The following HIP1R variants were observed in gnomAD, a reference collection of about 807,000 sequenced individuals.
HIP1R encodes the protein huntingtin interacting protein 1 related.
A neutral mutation model predicts 144.2 loss-of-function variants in HIP1R; 135 were observed. The observed-to-expected ratio is 0.94, with a 90% confidence interval of 0.81 to 1.08. The LOEUF (loss-of-function observed/expected upper bound fraction) is 1.08, where lower values mean the gene tolerates loss of function less well. Among genes scored for constraint, HIP1R ranks in the 50% least tolerant of loss-of-function variants. The probability of loss-of-function intolerance (pLI) is 0.00; values close to 1 mark genes in which losing one functional copy is unlikely to be tolerated. For synonymous variants in HIP1R, 698 were observed against 612.8 expected (o/e 1.14, Z -2.05); for missense variants, 1,462 against 1,432.8 (o/e 1.02, Z -0.33).
intron 1 of HIP1R, among the ~76,000 whole-genome samples, chr12:122,838,369 G>T (rs951844531): frequency 2.0e-4 from 30 of 151,836 alleles, no homozygotes; most frequent in Non-Finnish European, 3.7e-4. Flanking sequence ...AACTTTTATT[G>T]TCTTGTTGCT....
chr12:122,861,959 T>C lies in HIP1R; in HGVS notation c.*206T>C, dbSNP rs1054258348. 3 of 542,876 alleles carry C rather than the reference T, an allele frequency of 5.5e-6. No homozygotes were observed. The highest frequency in any genetic ancestry group is 6.9e-5 in the Admixed American group (2 of 28,906). 33.6% of individuals were successfully genotyped at this position (542,876 alleles called of 1,614,324 possible). On this transcript the variant is annotated 3_prime_UTR_variant, in exon 32 of 32. Transcript: ENST00000253083. ...GTGCTTCTGGATGTGAGTCTCTTAT[T>C]TATCTGCAGAAGGAACTTTGGGGTG...
In HIP1R at chr12:122,848,065, AG is replaced by A. The variant is rs1305859460; in HGVS notation, c.130del (p.Ala44ProfsTer3). The A allele has an allele frequency of 3.7e-6, 6 of 1,613,594 alleles. No individual in the cohort carries two copies. Among genetic ancestry groups the A allele is most frequent in the Non-Finnish European group, 4.2e-6 (5 of 1,179,960 alleles). ...ATCAGCAAAGCCATCAACACCCAGG[AG>A]GCCCCCGTGAAGGAGAAGCACGCCC... The part of the protein sequence containing the change: ...ISISKAINTQ[E>X]APVKEKHARR... On this transcript the variant is annotated frameshift_variant, in exon 2 of 32. Transcript: ENST00000253083. LOFTEE classifies it high-confidence loss of function.
In HIP1R at chr12:122,857,051, AC is replaced by A. The variant is rs751632854; in HGVS notation, c.1652del (p.Thr551SerfsTer2). 1 of 1,550,736 alleles carries A rather than the reference AC, an allele frequency of 6.4e-7. No individual in the cohort carries two copies. The highest frequency in any genetic ancestry group is 1.2e-5 in the South Asian group (1 of 84,078). The part of the protein sequence containing the change: ...SKSELSSRLD[T>X]LSAEKDALSG... ...GTCGGAGCTGAGCTCACGGCTGGAC[AC>A]GCTGAGTGCGGAGAAGGATGCTCTG... On this transcript the variant is annotated frameshift_variant, in exon 18 of 32. Transcript: ENST00000253083. LOFTEE classifies it high-confidence loss of function.
intron 26 of HIP1R, 72 bp downstream of exon 26, chr12:122,860,282 A>C: frequency 6.5e-7 from 1 of 1,529,484 alleles, no homozygotes; most frequent in Non-Finnish European, 8.9e-7. Context: ...CCTGGGCATG[A>C]GACCCTCCAC....
upstream of HIP1R, chr12:122,835,029 GA>G (rs753597667): frequency 6.8e-5 from 88 of 1,286,244 alleles, 1 homozygote; most frequent in South Asian, 1.1e-3. Flanking sequence ...GAGGGGTGGG[GA>G]GAGGGAATTG....
intron 20 of HIP1R, among the ~76,000 whole-genome samples, 160 bp downstream of exon 20, chr12:122,858,595 C>T (rs2033669138): frequency 6.6e-6 from 1 of 152,252 alleles, no homozygotes; most frequent in Non-Finnish European, 1.5e-5. Context: ...CACCCCTGCC[C>T]TGTGGACAAA....
chr12:122,841,396 A>G (rs987560266), intron 1 of HIP1R, among the ~76,000 whole-genome samples: 2 of 152,126 alleles, frequency 1.3e-5, no homozygotes, highest in African/African-American at 2.4e-5. Context: ...TCCCTGAGCA[A>G]CTGCTCAGAC....
rs543022643 is a variant in HIP1R at position 122,852,044 on chromosome 12, TCA to T, written c.577+748_577+749del. ...CCCGGCCGCTGTTGGACAGGAAATC[TCA>T]GAGGGCTCAGCTTCCAGGCTGGAGA... On this transcript the variant is annotated intron_variant, in intron 7 of 31. Coordinates refer to ENST00000253083, the MANE Select transcript of HIP1R (RefSeq NM_003959.3). Among the ~76,000 whole-genome samples the T allele has an allele frequency of 4.1e-4, 63 of 152,324 alleles. 1 individual carries two copies. The East Asian group carries it at 0.012, about 28-fold the overall frequency.
At chr12:122,855,942 G>T (rs879188891) in intron 13 of HIP1R, 38 bp from the exon 14 acceptor site, 1 of 1,568,534 alleles carries the variant, frequency 6.4e-7, no homozygotes, top group Non-Finnish European at 8.6e-7. Context: ...GGCCCCTCAC[G>T]GCCCAGGCAG....
At position 122,855,411 on chromosome 12, in the gene HIP1R, C is replaced by T. The variant is rs771266003; in HGVS notation, c.993+6C>T. Reference sequence around the variant, plus strand: ...CCCCCGCGGGGGAGCCAGTGGTGAGCCCCCTGCCCAGCCCGTGTCCCCCAG... The same window carrying T: ...CCCCCGCGGGGGAGCCAGTGGTGAGTCCCCTGCCCAGCCCGTGTCCCCCAG... On this transcript the variant is annotated splice_donor_region_variant and intron_variant, in intron 11 of 31. Transcript: ENST00000253083. The T allele has an allele frequency of 1.3e-5, 20 of 1,559,274 alleles. No individual in the cohort carries two copies. Among genetic ancestry groups the T allele is most frequent in the Non-Finnish European group, 1.7e-5 (20 of 1,152,894 alleles).
intron 1 of HIP1R, 101 bp downstream of exon 1, chr12:122,835,744 C>A: frequency 3.4e-6 from 2 of 593,882 alleles, no homozygotes; most frequent in Non-Finnish European, 4.2e-6. Flanking sequence ...CGGGAGGCGC[C>A]GGCCAGGGGC....
At chr12:122,857,513 T>C in intron 18 of HIP1R, 1 of 525,818 alleles carries the variant, frequency 1.9e-6, no homozygotes, top group South Asian at 2.0e-5. Flanking sequence ...TTTCTGGCTG[T>C]TGTAAATAGT....
chr12:122,859,804 G>A lies in HIP1R; in HGVS notation c.2439G>A (p.Ser813=), dbSNP rs139326354. Residue 813 remains serine (S), a synonymous_variant, in exon 24 of 32, where the codon TCG becomes TCA. Transcript: ENST00000253083. ...DMMNQARHAS[S]GVKLEVNERI... ...TGAACCAGGCACGCCACGCCAGCTC[G>A]GGGGTGAAGCTGGAGGTGAACGAGA... is the stretch of plus-strand genomic sequence containing the variant. 1,269 of 1,612,852 alleles carry A rather than the reference G, an allele frequency of 7.9e-4. No homozygotes were observed. The highest frequency in any genetic ancestry group is 8.3e-4 in the Middle Eastern group (5 of 6,054).
At position 122,856,705 on chromosome 12, in the gene HIP1R, G is replaced by T. The variant is rs1294268248; in HGVS notation, c.1599G>T (p.Glu533Asp). Reference protein sequence around the residue: ...AKAGELARAQEALSHTEQSKS... With the variant: ...AKAGELARAQDALSHTEQSKS... ...CCGGAGAGCTGGCCCGCGCGCAGGA[G>T]GCCCTGAGCCACACAGAGCAGGTGC... Residue 533 changes from glutamate (E) to aspartate (D), a missense_variant, in exon 17 of 32, where the codon GAG (glutamate) becomes GAT (aspartate). Glu to Asp is a conservative substitution (Grantham distance 45). Around this residue, in one of 2 missense-constraint regions of HIP1R, gnomAD observed 1,112 missense variants for 1,011.7 expected, o/e 1.10. Coordinates refer to ENST00000253083, the MANE Select transcript of HIP1R (RefSeq NM_003959.3). 1.3e-6 allele frequency: 2 copies of T among 1,583,270 alleles called. No homozygotes were observed. The highest frequency in any genetic ancestry group is 1.7e-6 in the Non-Finnish European group (2 of 1,165,266).
At chr12:122,859,025 G>GGC (rs3070075) in intron 21 of HIP1R, 36 bp from the exon 22 acceptor site, 1,394,828 of 1,605,404 alleles carry the variant, frequency 0.87, 608,292 homozygotes, top group Admixed American at 0.93. Flanking sequence ...GCCTGTCGGT[G>GGC]GGGGGGGCTC....
chr12:122,858,446 C>T lies in HIP1R; in HGVS notation c.2050+11C>T. 6.3e-7 allele frequency: 1 copy of T among 1,592,558 alleles called. No homozygotes were observed. The highest frequency in any genetic ancestry group is 8.6e-7 in the Non-Finnish European group (1 of 1,167,772). On this transcript the variant is annotated intron_variant, in intron 20 of 31. Coordinates refer to ENST00000253083, the MANE Select transcript of HIP1R (RefSeq NM_003959.3). ...TGACCTCCTTGGCAGGTGAGTGTAG[C>T]CAGGGCAGGGCGGAGGCGGGGGCTG...
chr12:122,854,999 G>C, intron 9 of HIP1R, 37 bp downstream of exon 9: 1 of 1,613,500 alleles, frequency 6.2e-7, no homozygotes, highest in Non-Finnish European at 8.5e-7. Flanking sequence ...GAGGCCGGTG[G>C]GGGAGAGGCT....
rs2033382665 is a variant in HIP1R, at chr12:122,851,169, G to A, written c.516-67G>A. 3 of 1,379,136 alleles carry A rather than the reference G, an allele frequency of 2.2e-6. No individual in the cohort carries two copies. The South Asian group carries it at 4.5e-5, about 21-fold the overall frequency. The allele number at this position is 1,379,136 out of a possible 1,614,324, so 85.4% of individuals were successfully genotyped here. ...GGTGCCCCCGTCCCCACTGGAGGGG[G>A]CGTCTCAGGACGAGTGGGTGGGTCC... On this transcript the variant is annotated intron_variant, in intron 6 of 31. Coordinates refer to ENST00000253083, the MANE Select transcript of HIP1R (RefSeq NM_003959.3).
At position 122,854,802 on chromosome 12, in the gene HIP1R, A is replaced by T. The variant is rs960169069; in HGVS notation, c.719-103A>T. On this transcript the variant is annotated intron_variant, in intron 8 of 31. Transcript: ENST00000253083. ...AGCGGGCCTGGCCCGGTCTCAGGTG[A>T]TCTCTGATCTGTGAGTTTGTAGCAT... is the stretch of plus-strand genomic sequence containing the variant. 6 of 1,256,160 alleles carry T rather than the reference A, an allele frequency of 4.8e-6. No homozygotes were observed. In the Admixed American group the frequency reaches 1.3e-4, roughly 27 times the overall value. 77.8% of individuals were successfully genotyped at this position (1,256,160 alleles called of 1,614,324 possible).
Sources: gnomAD v4.1 joint callset for allele counts (sites outside exome capture counted in the v4.1 genomes callset) on GRCh38, gnomAD v4.1.1 for gene constraint, gnomAD v4.1.1 regional missense constraint, MANE v1.5 for transcripts, NCBI Gene and HGNC (gene_info 2026-07-23, HGNC 2026-07-21) for gene names.